The following KCNC2 variants were observed in gnomAD, a reference collection of about 807,000 sequenced individuals.
KCNC2 encodes voltage-gated potassium channel KCNC2.
KCNC2 carries 21 observed loss-of-function variants against 44.5 expected under a neutral mutation model. That is an observed-to-expected ratio of 0.47 (90% CI 0.33 to 0.68). KCNC2 has a LOEUF of 0.68. Ranked by LOEUF, KCNC2 falls within the 30% of genes least tolerant of loss-of-function variation. KCNC2 has a pLI of 0.01. For missense variants in KCNC2, 589 were observed against 826.2 expected (o/e 0.71, Z 3.52); for synonymous variants, 391 against 339.1 (o/e 1.15, Z -1.68).
chr12:75,042,085 A>T lies in KCNC2; in HGVS notation c.*1020T>A. The T allele has an allele frequency of 2.5e-6, 3 of 1,218,300 alleles. No homozygotes were observed. The South Asian group carries it at 9.5e-5, about 39-fold the overall frequency. 75.5% of individuals were successfully genotyped at this position (1,218,300 alleles called of 1,614,324 possible). ...AAAAAGCCTTCTGTGAACACCAGTG[A>T]CATTTGATGTTTGCACAAAAAATTA... On this transcript the variant is annotated 3_prime_UTR_variant, in exon 5 of 5. Transcript: ENST00000549446.
At chr12:75,145,994 C>T (rs1167547319) in intron 2 of KCNC2, among the ~76,000 whole-genome samples, 1 of 148,158 alleles carries the variant, frequency 6.7e-6, no homozygotes, top group Non-Finnish European at 1.5e-5. Context: ...CCCTCTGTTG[C>T]CCAGGCTTGA....
intron 2 of KCNC2, among the ~76,000 whole-genome samples, chr12:75,076,932 T>C (rs1453689125): frequency 6.6e-6 from 1 of 152,212 alleles, no homozygotes; most frequent in Non-Finnish European, 1.5e-5. Context: ...ACAGTCAACT[T>C]ACAAAAATTT....
chr12:75,119,351 C>T (rs1390756513), intron 2 of KCNC2, among the ~76,000 whole-genome samples: 1 of 120,118 alleles, frequency 8.3e-6, no homozygotes, highest in Non-Finnish European at 1.6e-5. Flanking sequence ...CTAATCACTG[C>T]TAGGAAGGTG....
chr12:75,090,374 A>G (rs1592848278), intron 2 of KCNC2, among the ~76,000 whole-genome samples: 1 of 150,896 alleles, frequency 6.6e-6, no homozygotes, highest in African/African-American at 2.4e-5. Context: ...TACACCAGAT[A>G]TTTTTTTTCC....
chr12:75,112,674 A>G (rs1309683554), intron 2 of KCNC2, among the ~76,000 whole-genome samples: 1 of 152,066 alleles, frequency 6.6e-6, no homozygotes, highest in East Asian at 1.9e-4. Flanking sequence ...TGTATTAGTA[A>G]GAAATATTCC....
rs531029103 is a variant in KCNC2 at position 75,205,983 on chromosome 12, A to G, written c.687+1314T>C. Among the ~76,000 whole-genome samples, 9 of 151,772 alleles carry G rather than the reference A, an allele frequency of 5.9e-5. 1 individual carries two copies. The East Asian group carries it at 7.7e-4, about 13-fold the overall frequency. ...CAGGCATGTTAGAATTTATGTATGC[A>G]TTTAAATACCAAGTCTAAAGGAGTA... On this transcript the variant is annotated intron_variant, in intron 2 of 4. Coordinates refer to ENST00000549446, the MANE Select transcript of KCNC2 (RefSeq NM_139137.4).
chr12:75,124,026 G>T (rs1329611511), intron 2 of KCNC2: 1 of 152,042 alleles, frequency 6.6e-6, no homozygotes, highest in African/African-American at 2.4e-5. Context: ...TCTTAAAAAA[G>T]GTCAAAGCGT....
chr12:75,193,428 G>A (rs890510405), intron 2 of KCNC2, among the ~76,000 whole-genome samples: 2 of 152,110 alleles, frequency 1.3e-5, no homozygotes, highest in Non-Finnish European at 2.9e-5. Flanking sequence ...ACATGTACTA[G>A]GAGAGGGAGC....
intron 2 of KCNC2, among the ~76,000 whole-genome samples, chr12:75,164,737 T>A (rs1341875303): frequency 6.6e-6 from 1 of 151,696 alleles, no homozygotes; most frequent in Non-Finnish European, 1.5e-5. Flanking sequence ...ATTTAATCTA[T>A]GAGAATAGCC....
intron 2 of KCNC2, among the ~76,000 whole-genome samples, chr12:75,085,956 A>G (rs1884960282): frequency 1.3e-5 from 2 of 152,042 alleles, no homozygotes; most frequent in South Asian, 2.1e-4. Context: ...CCCTTTAAAT[A>G]TTTCTCAGTA....
At chr12:75,198,554 T>C (rs1386767986) in intron 2 of KCNC2, among the ~76,000 whole-genome samples, 1 of 151,872 alleles carries the variant, frequency 6.6e-6, no homozygotes, top group African/African-American at 2.4e-5. Context: ...AGTCAAACTG[T>C]AATAACTATT....
chr12:75,054,012 C>CA (rs1394760233), intron 2 of KCNC2, among the ~76,000 whole-genome samples: 11 of 151,316 alleles, frequency 7.3e-5, no homozygotes, highest in Non-Finnish European at 1.2e-4. Context: ...CGCTTGAGGT[C>CA]AGGAGTTCAA....
intron 2 of KCNC2, among the ~76,000 whole-genome samples, chr12:75,076,229 C>T (rs1883958316): frequency 6.6e-6 from 1 of 152,084 alleles, no homozygotes; most frequent in Non-Finnish European, 1.5e-5. Flanking sequence ...AGAATTTGTT[C>T]TTGAACAGTG....
intron 2 of KCNC2, among the ~76,000 whole-genome samples, chr12:75,055,326 CA>C (rs34351452): frequency 0.88 from 133,711 of 151,496 alleles, 59,069 homozygotes; most frequent in Admixed American, 0.91. Flanking sequence ...AATATTGAAG[CA>C]AAAAAAAAAG....
At chr12:75,064,918 A>G (rs1021908686) in intron 2 of KCNC2, among the ~76,000 whole-genome samples, 1 of 152,024 alleles carries the variant, frequency 6.6e-6, no homozygotes, top group Non-Finnish European at 1.5e-5. Context: ...GAAACTTTAG[A>G]GTGTACATAT....
chr12:75,114,856 CTTTTTTT>C (rs754820554), intron 2 of KCNC2, among the ~76,000 whole-genome samples: 4 of 86,560 alleles, frequency 4.6e-5, no homozygotes, highest in Admixed American at 1.5e-4. Context: ...TCAACTTCTA[CTTTTTTT>C]TTTTTTTTTT....
chr12:75,187,713 T>A (rs1419232351), intron 2 of KCNC2, among the ~76,000 whole-genome samples: 1 of 152,160 alleles, frequency 6.6e-6, no homozygotes, highest in Non-Finnish European at 1.5e-5. Flanking sequence ...ATTGCCTGTC[T>A]GAAAATATCA....
intron 2 of KCNC2, among the ~76,000 whole-genome samples, chr12:75,065,784 T>C (rs73357081): frequency 7.6e-4 from 115 of 152,270 alleles, no homozygotes; most frequent in African/African-American, 2.5e-3. Context: ...TCTCAAACCC[T>C]ATCCCTGTTG....
At chr12:75,088,180 A>G (rs562468148) in intron 2 of KCNC2, among the ~76,000 whole-genome samples, 1 of 152,252 alleles carries the variant, frequency 6.6e-6, no homozygotes, top group African/African-American at 2.4e-5. Context: ...GGCAATGCAC[A>G]GAAGTATTTA....
Sources: gnomAD v4.1 joint callset for allele counts (sites outside exome capture counted in the v4.1 genomes callset) on GRCh38, gnomAD v4.1.1 for gene constraint, MANE v1.5 for transcripts, NCBI Gene and HGNC (gene_info 2026-07-23, HGNC 2026-07-21) for gene names.